Variants in DNAI4 observed in about 807,000 individuals in gnomAD.
DNAI4 encodes the protein WD repeat domain 78.
In DNAI4, 85 loss-of-function variants were observed where a neutral mutation model predicts 105.8. The observed-to-expected ratio is 0.80, with a 90% CI of 0.67 to 0.96. The LOEUF (loss-of-function observed/expected upper bound fraction) is 0.96, where lower values mean the gene tolerates loss of function less well. Ranked by LOEUF, DNAI4 falls within the 40% of genes least tolerant of loss-of-function variation. DNAI4 has a pLI of 0.00. For synonymous variants in DNAI4, 352 were observed against 331.5 expected (o/e 1.06, Z -0.67); for missense variants, 1,014 against 1,005.6 (o/e 1.01, Z -0.11).
chr1:66,913,753 C>G (rs549424603), intron 1 of DNAI4, among the ~76,000 whole-genome samples: 1 of 151,934 alleles, frequency 6.6e-6, no homozygotes, highest in Non-Finnish European at 1.5e-5. Context: ...GAGGCCGAGG[C>G]GGGCGAATCA....
intron 9 of DNAI4, among the ~76,000 whole-genome samples, chr1:66,839,300 T>A (rs2100466944): frequency 6.6e-6 from 1 of 152,204 alleles, no homozygotes; most frequent in East Asian, 1.9e-4. Context: ...TTAATTCCAC[T>A]AATCCACAAG....
intron 7 of DNAI4, among the ~76,000 whole-genome samples, chr1:66,853,992 T>C (rs764164168): frequency 1.3e-5 from 2 of 152,192 alleles, no homozygotes; most frequent in Admixed American, 6.5e-5. Flanking sequence ...AAAAATACTC[T>C]TAGAACTGAT....
At chr1:66,877,532 G>C (rs994347527) in intron 4 of DNAI4, among the ~76,000 whole-genome samples, 2 of 152,016 alleles carry the variant, frequency 1.3e-5, no homozygotes, top group East Asian at 1.9e-4. Flanking sequence ...AGAATAATTA[G>C]AGTTTCTGTA....
In DNAI4 at chr1:66,814,113, A is replaced by G. The variant is rs780879660; in HGVS notation, c.*17T>C. ...CTTTTTTAAAACAACTACAAGAAAA[A>G]TATTAGGAATGATGAATTATGCTGA... On this transcript the variant is annotated 3_prime_UTR_variant, in exon 17 of 17. Transcript: ENST00000371026. The G allele has an allele frequency of 3.2e-6, 5 of 1,584,514 alleles. No individual in the cohort carries two copies. The Admixed American group carries it at 5.2e-5, about 16-fold the overall frequency.
chr1:66,913,997 AAAG>A (rs1412279450), intron 1 of DNAI4, among the ~76,000 whole-genome samples: 54 of 151,962 alleles, frequency 3.6e-4, no homozygotes, highest in African/African-American at 8.0e-4. Context: ...AAAAAAAAAA[AAAG>A]AAGGTGGAAA....
At chr1:66,857,268 T>C (rs1205488070) in intron 7 of DNAI4, among the ~76,000 whole-genome samples, 1 of 136,040 alleles carries the variant, frequency 7.4e-6, no homozygotes, top group East Asian at 2.2e-4. Flanking sequence ...TTCTCACTCA[T>C]AGGTGGGAAC....
intron 5 of DNAI4, among the ~76,000 whole-genome samples, chr1:66,873,852 C>CCT (rs1383455748): frequency 1.8e-5 from 2 of 110,196 alleles, no homozygotes; most frequent in African/African-American, 7.7e-5. Flanking sequence ...TCCCTCTTTC[C>CCT]TTTTTTTTTT....
chr1:66,847,346 T>G, intron 8 of DNAI4, 138 bp downstream of exon 8: 1 of 697,162 alleles, frequency 1.4e-6, no homozygotes, highest in South Asian at 2.0e-5. Context: ...CAGGCTGGAG[T>G]GCAGTGGCAT....
At chr1:66,831,149 C>A (rs1645859238) in intron 13 of DNAI4, among the ~76,000 whole-genome samples, 1 of 151,742 alleles carries the variant, frequency 6.6e-6, no homozygotes, top group African/African-American at 2.4e-5. Flanking sequence ...ACCATAATAA[C>A]CCTATATATA....
intron 1 of DNAI4, among the ~76,000 whole-genome samples, chr1:66,923,567 C>T (rs563939762): frequency 3.3e-5 from 5 of 152,254 alleles, no homozygotes; most frequent in East Asian, 3.9e-4. Flanking sequence ...TAAACCCGAC[C>T]GACACTGCTT....
chr1:66,830,002 A>G (rs960514136), intron 13 of DNAI4, among the ~76,000 whole-genome samples: 1 of 152,202 alleles, frequency 6.6e-6, no homozygotes, highest in African/African-American at 2.4e-5. Context: ...TGAAACTGGT[A>G]ATTTGAACAG....
chr1:66,819,588 G>A (rs1395655837), intron 16 of DNAI4, among the ~76,000 whole-genome samples: 1 of 151,968 alleles, frequency 6.6e-6, no homozygotes, highest in Non-Finnish European at 1.5e-5. Flanking sequence ...ATGTTTCCAA[G>A]GGGCTCATAC....
chr1:66,869,134 C>T (rs867282975), intron 6 of DNAI4, among the ~76,000 whole-genome samples: 2,566 of 148,146 alleles, frequency 0.017, 71 homozygotes, highest in African/African-American at 0.062. Flanking sequence ...TATATATATA[C>T]ATATTCTATT....
chr1:66,843,918 T>C (rs1646209850), intron 8 of DNAI4, among the ~76,000 whole-genome samples: 2 of 151,992 alleles, frequency 1.3e-5, no homozygotes, highest in South Asian at 4.1e-4. Context: ...TTATACTAAG[T>C]CTTGAAATAT....
chr1:66,892,471 C>T (rs758205707), intron 3 of DNAI4, among the ~76,000 whole-genome samples: 1 of 152,156 alleles, frequency 6.6e-6, no homozygotes, highest in Non-Finnish European at 1.5e-5. Context: ...TGATTTTAGT[C>T]CCATCTTTTG....
chr1:66,820,019 T>C (rs1440839884), intron 16 of DNAI4, among the ~76,000 whole-genome samples: 4 of 152,280 alleles, frequency 2.6e-5, no homozygotes, highest in Admixed American at 2.0e-4. Context: ...TTAAACATTT[T>C]AAGACATTTG....
At chr1:66,847,825 G>A (rs867205698) in intron 7 of DNAI4, 147 bp from the exon 8 acceptor site, 14 of 639,204 alleles carry the variant, frequency 2.2e-5, no homozygotes, top group East Asian at 1.8e-4. Flanking sequence ...AATATCTTAC[G>A]TACCAAGCAC....
intron 10 of DNAI4, among the ~76,000 whole-genome samples, chr1:66,836,290 AAGAAAGAAAG>A (rs1433860065): frequency 1.3e-5 from 2 of 150,210 alleles, no homozygotes; most frequent in African/African-American, 2.5e-5. Flanking sequence ...GAAAGAAAGA[AAGAAAGAAAG>A]AAAGAAAGAA....
At chr1:66,880,776 G>A (rs1647052827) in intron 4 of DNAI4, among the ~76,000 whole-genome samples, 1 of 152,230 alleles carries the variant, frequency 6.6e-6, no homozygotes, top group Non-Finnish European at 1.5e-5. Context: ...GTAATGAGAA[G>A]CCAAATATTA....
Sources: allele counts gnomAD v4.1 joint callset (sites outside exome capture counted in the v4.1 genomes callset), GRCh38; gene constraint gnomAD v4.1.1; transcripts MANE v1.5; gene names NCBI Gene and HGNC (gene_info 2026-07-23, HGNC 2026-07-21).